Variants in MYRFL observed in about 807,000 individuals in gnomAD.
MYRFL encodes myelin regulatory factor like.
In MYRFL, 88 loss-of-function variants were observed where a neutral mutation model predicts 109.4. That is an observed-to-expected ratio of 0.80 (90% CI 0.68 to 0.96). The LOEUF is 0.96. Among genes scored for constraint, MYRFL ranks in the 40% least tolerant of loss-of-function variants. The pLI is 0.00. For missense variants in MYRFL, 957 were observed against 954.9 expected (o/e 1.00, Z -0.03); for synonymous variants, 324 against 320.9 (o/e 1.01, Z -0.10).
intron 2 of MYRFL, among the ~76,000 whole-genome samples, chr12:69,876,839 C>A (rs988649828): frequency 1.3e-5 from 2 of 152,098 alleles, no homozygotes; most frequent in African/African-American, 4.8e-5. Context: ...ATGAATTCTT[C>A]TATTTTTTCA....
chr12:69,891,497 T>A (rs894265718), intron 7 of MYRFL, among the ~76,000 whole-genome samples: 2 of 152,222 alleles, frequency 1.3e-5, no homozygotes, highest in African/African-American at 4.8e-5. Context: ...CTTGTGTTTC[T>A]TCACACCATG....
At chr12:69,868,021 G>T (rs1419614547) in intron 2 of MYRFL, among the ~76,000 whole-genome samples, 1 of 152,038 alleles carries the variant, frequency 6.6e-6, no homozygotes, top group African/African-American at 2.4e-5. Context: ...TCTGGTGGTA[G>T]ACCATCTGAC....
chr12:69,903,733 A>G lies in MYRFL; in HGVS notation c.1272A>G (p.Val424=), dbSNP rs1954263423. The G allele has an allele frequency of 2.0e-6, 3 of 1,535,808 alleles. No homozygotes were observed. In the Admixed American group the frequency reaches 5.9e-5, roughly 30 times the overall value. The change falls in exon 11 of 25, where the codon GTA becomes GTG. Residue 424 remains valine, a synonymous_variant. Coordinates refer to ENST00000552032, the MANE Select transcript of MYRFL (RefSeq NM_182530.3). ...AATCTATTGTCTGTCACGGTCGAGT[A>G]GGAATCAACACAGATGCGCCGGACG... is the stretch of plus-strand genomic sequence containing the variant. ...VPESIVCHGR[V]GINTDAPDEA...
At chr12:69,880,656 A>G (rs1457092386) in intron 5 of MYRFL, among the ~76,000 whole-genome samples, 1 of 152,178 alleles carries the variant, frequency 6.6e-6, no homozygotes, top group African/African-American at 2.4e-5. Context: ...TCTCAACCTT[A>G]ATGTGCAAGA....
At chr12:69,865,464 C>T (rs893398907) in intron 2 of MYRFL, among the ~76,000 whole-genome samples, 2 of 152,034 alleles carry the variant, frequency 1.3e-5, no homozygotes, top group East Asian at 1.9e-4. Flanking sequence ...GGTTTTATGG[C>T]TCGCTTTATG....
chr12:69,829,478 G>T, intron 1 of MYRFL, among the ~76,000 whole-genome samples: 1 of 152,044 alleles, frequency 6.6e-6, no homozygotes, highest in Non-Finnish European at 1.5e-5. Context: ...GGGAGGTTAA[G>T]CAGAATTGCT....
At chr12:69,935,973 C>T (rs987627492) in intron 16 of MYRFL, 140 bp from the exon 17 acceptor site, 24 of 940,490 alleles carry the variant, frequency 2.6e-5, no homozygotes, top group South Asian at 3.7e-5. Flanking sequence ...TTCTGTCAGC[C>T]GTGGCCATCC....
At chr12:69,868,970 GCACACATGCACT>G (rs753398196) in intron 2 of MYRFL, among the ~76,000 whole-genome samples, 11 of 151,592 alleles carry the variant, frequency 7.3e-5, no homozygotes, top group Non-Finnish European at 1.6e-4. Context: ...ACATGTGCGT[GCACACATGCACT>G]CACACATGCA....
At chr12:69,874,113 C>T (rs1430159228) in intron 2 of MYRFL, among the ~76,000 whole-genome samples, 1 of 152,200 alleles carries the variant, frequency 6.6e-6, no homozygotes, top group East Asian at 1.9e-4. Context: ...TACCTATGTG[C>T]ATTATAAACT....
chr12:69,868,098 CTTTTTTTTTTCT>C (rs1363211928), intron 2 of MYRFL, among the ~76,000 whole-genome samples: 3 of 143,174 alleles, frequency 2.1e-5, no homozygotes. Context: ...GCCTCGGTTT[CTTTTTTTTTTCT>C]TTTTTTTTTT....
At chr12:69,867,817 G>GT (rs1212473628) in intron 2 of MYRFL, among the ~76,000 whole-genome samples, 1 of 152,162 alleles carries the variant, frequency 6.6e-6, no homozygotes, top group Non-Finnish European at 1.5e-5. Context: ...GACTATTTGA[G>GT]TTCAGTGACT....
intron 1 of MYRFL, among the ~76,000 whole-genome samples, chr12:69,854,159 A>G (rs1184291982): frequency 2.0e-5 from 3 of 152,214 alleles, no homozygotes; most frequent in Non-Finnish European, 4.4e-5. Context: ...AGTCCGGCCA[A>G]CACGGGAAAC....
At chr12:69,850,907 C>A (rs1451615058) in intron 1 of MYRFL, among the ~76,000 whole-genome samples, 1 of 152,020 alleles carries the variant, frequency 6.6e-6, no homozygotes, top group Non-Finnish European at 1.5e-5. Flanking sequence ...CTTATACCCT[C>A]AACTTTTTCA....
intron 13 of MYRFL, among the ~76,000 whole-genome samples, chr12:69,918,259 C>A (rs1954810852): frequency 1.3e-5 from 2 of 152,104 alleles, no homozygotes; most frequent in South Asian, 4.1e-4. Flanking sequence ...ACCTTCTTGG[C>A]CCTATGGACT....
chr12:69,945,429 T>C (rs1213361852), intron 19 of MYRFL, among the ~76,000 whole-genome samples: 1 of 152,224 alleles, frequency 6.6e-6, no homozygotes, highest in African/African-American at 2.4e-5. Flanking sequence ...ATACTTACCA[T>C]TGTGTTACAA....
chr12:69,937,935 T>C (rs1483359634), intron 19 of MYRFL, among the ~76,000 whole-genome samples: 2 of 152,220 alleles, frequency 1.3e-5, no homozygotes, highest in African/African-American at 4.8e-5. Flanking sequence ...CATGAGTAAA[T>C]CATTTAATCT....
intron 6 of MYRFL, among the ~76,000 whole-genome samples, chr12:69,889,071 G>C (rs1002300196): frequency 1.3e-5 from 2 of 151,998 alleles, no homozygotes; most frequent in Non-Finnish European, 2.9e-5. Flanking sequence ...AATTTTTTCT[G>C]TTTCTGGAAT....
At chr12:69,937,026 T>C (rs1054915650) in intron 19 of MYRFL, among the ~76,000 whole-genome samples, 3 of 152,200 alleles carry the variant, frequency 2.0e-5, no homozygotes, top group African/African-American at 7.2e-5. Flanking sequence ...TAAGAGACTT[T>C]GGAAACTCTA....
intron 19 of MYRFL, among the ~76,000 whole-genome samples, chr12:69,942,396 A>G (rs1321281217): frequency 1.4e-5 from 2 of 146,134 alleles, no homozygotes; most frequent in Non-Finnish European, 3.0e-5. Flanking sequence ...CAAATCAATA[A>G]ATGTAATCCA....
Sources: gnomAD v4.1 joint callset for allele counts (sites outside exome capture counted in the v4.1 genomes callset) on GRCh38, gnomAD v4.1.1 for gene constraint, MANE v1.5 for transcripts, NCBI Gene and HGNC (gene_info 2026-07-23, HGNC 2026-07-21) for gene names.